ZMAT4: variants seen among roughly 807,000 people sequenced by gnomAD.
The protein encoded by ZMAT4 is zinc finger matrin-type 4, also known as zinc finger matrin-type protein 4.
A neutral mutation model predicts 28.7 loss-of-function variants in ZMAT4; 17 were observed. The observed-to-expected ratio is 0.59, with a 90% CI of 0.41 to 0.89. The LOEUF (loss-of-function observed/expected upper bound fraction) is 0.89, where lower values mean the gene tolerates loss of function less well. Among genes scored for constraint, ZMAT4 ranks in the 40% least tolerant of loss-of-function variants. The pLI, the probability that ZMAT4 is intolerant of heterozygous loss-of-function variation, is 0.00. For synonymous variants in ZMAT4, 117 were observed against 109.2 expected, an observed-to-expected ratio of 1.07 and a Z score of -0.44; for missense variants, 240 against 283.8, an observed-to-expected ratio of 0.85 and a Z score of 1.11.
intron 6 of ZMAT4, among the ~76,000 whole-genome samples, chr8:40,564,898 C>T (rs1181403208): frequency 6.6e-6 from 1 of 152,130 alleles, no homozygotes; most frequent in Non-Finnish European, 1.5e-5. Context: ...GAAAAATTAC[C>T]TGCACGGATA....
chr8:40,551,736 C>T (rs1803375168), intron 6 of ZMAT4, among the ~76,000 whole-genome samples: 1 of 152,172 alleles, frequency 6.6e-6, no homozygotes, highest in African/African-American at 2.4e-5. Context: ...TAGTCTCTCA[C>T]TTAGGTAGAT....
At chr8:40,574,139 C>A (rs1804187471) in intron 6 of ZMAT4, among the ~76,000 whole-genome samples, 1 of 151,826 alleles carries the variant, frequency 6.6e-6, no homozygotes, top group African/African-American at 2.4e-5. Flanking sequence ...CATCTGAAAA[C>A]AAAATAAATT....
chr8:40,858,794 A>G (rs1426315000), intron 1 of ZMAT4, among the ~76,000 whole-genome samples: 1 of 152,122 alleles, frequency 6.6e-6, no homozygotes, highest in Non-Finnish European at 1.5e-5. Context: ...CACCGTGCTC[A>G]TCTTCCTGCC....
At chr8:40,665,901 C>G (rs1808394782) in intron 5 of ZMAT4, among the ~76,000 whole-genome samples, 1 of 152,178 alleles carries the variant, frequency 6.6e-6, no homozygotes, top group Non-Finnish European at 1.5e-5. Flanking sequence ...TTTTCCAGCA[C>G]AGCTCAGCTT....
intron 1 of ZMAT4, among the ~76,000 whole-genome samples, chr8:40,848,319 C>T (rs542001964): frequency 8.8e-4 from 134 of 152,324 alleles, no homozygotes; most frequent in African/African-American, 3.2e-3. Context: ...TGTAGGACTC[C>T]ACCCGTTGTC....
At chr8:40,713,010 G>C (rs1166353851) in intron 3 of ZMAT4, among the ~76,000 whole-genome samples, 2 of 151,656 alleles carry the variant, frequency 1.3e-5, no homozygotes, top group Admixed American at 1.3e-4. Flanking sequence ...AAATAATTAA[G>C]ATAATTTTGA....
At chr8:40,871,567 G>A (rs917114805) in intron 1 of ZMAT4, among the ~76,000 whole-genome samples, 1 of 152,204 alleles carries the variant, frequency 6.6e-6, no homozygotes, top group Admixed American at 6.5e-5. Flanking sequence ...CAGAAGGGAG[G>A]CAAGGGAGTA....
At chr8:40,842,168 T>C (rs1816727502) in intron 1 of ZMAT4, among the ~76,000 whole-genome samples, 1 of 152,180 alleles carries the variant, frequency 6.6e-6, no homozygotes, top group African/African-American at 2.4e-5. Context: ...GGGGCAGCAA[T>C]GGTGGTCCCC....
At chr8:40,758,625 T>A (rs1274050204) in intron 3 of ZMAT4, among the ~76,000 whole-genome samples, 1 of 152,064 alleles carries the variant, frequency 6.6e-6, no homozygotes, top group Non-Finnish European at 1.5e-5. Context: ...CACAAAAAAA[T>A]TACTTATTAT....
At chr8:40,710,613 T>G (rs979929930) in intron 3 of ZMAT4, among the ~76,000 whole-genome samples, 1 of 151,190 alleles carries the variant, frequency 6.6e-6, no homozygotes, top group Non-Finnish European at 1.5e-5. Flanking sequence ...CCCAGCCTTT[T>G]GTGGGGGGAA....
At chr8:40,856,593 G>A (rs140485052) in intron 1 of ZMAT4, among the ~76,000 whole-genome samples, 323 of 152,304 alleles carry the variant, frequency 2.1e-3, no homozygotes, top group African/African-American at 6.4e-3. Flanking sequence ...CAGGCAGGTG[G>A]TAGCATAAAG....
At chr8:40,806,499 C>T (rs556413570) in intron 2 of ZMAT4, among the ~76,000 whole-genome samples, 1 of 152,166 alleles carries the variant, frequency 6.6e-6, no homozygotes, top group African/African-American at 2.4e-5. Context: ...CAGAGCTTTG[C>T]TCTGTATACG....
intron 5 of ZMAT4, among the ~76,000 whole-genome samples, chr8:40,648,108 A>G (rs1399822427): frequency 6.6e-6 from 1 of 152,236 alleles, no homozygotes; most frequent in Non-Finnish European, 1.5e-5. Context: ...AGGCGGCTTC[A>G]GACGATCAAA....
At chr8:40,876,203 A>T (rs1326200594) in intron 1 of ZMAT4, among the ~76,000 whole-genome samples, 1 of 152,220 alleles carries the variant, frequency 6.6e-6, no homozygotes, top group East Asian at 1.9e-4. Flanking sequence ...AGACAGCAAG[A>T]CCAACCCCTC....
chr8:40,891,280 T>TGGGGAAGGGGGAGGGGGGAGGGGGAAGG (rs1818676523), intron 1 of ZMAT4, among the ~76,000 whole-genome samples: 1 of 9,628 alleles, frequency 1.0e-4, no homozygotes. Flanking sequence ...GAAGGGGAAA[T>TGGGGAAGGGGGAGGGGGGAGGGGGAAGG]TGAAGACAGT....
chr8:40,725,452 C>A (rs968860419), intron 3 of ZMAT4, among the ~76,000 whole-genome samples: 2 of 152,122 alleles, frequency 1.3e-5, no homozygotes, highest in Admixed American at 1.3e-4. Context: ...ATAAAAATGT[C>A]TCGAGATGGC....
intron 5 of ZMAT4, among the ~76,000 whole-genome samples, chr8:40,611,897 C>T (rs1355095745): frequency 6.6e-6 from 1 of 152,122 alleles, no homozygotes; most frequent in Non-Finnish European, 1.5e-5. Context: ...TAGTACCAAA[C>T]TGAAAGATTT....
chr8:40,652,221 C>T (rs1807698498), intron 5 of ZMAT4, among the ~76,000 whole-genome samples: 1 of 123,026 alleles, frequency 8.1e-6, no homozygotes. Context: ...TCAATGAACT[C>T]AAACAAATTT....
At chr8:40,675,449 T>C (rs901191088) in intron 4 of ZMAT4, among the ~76,000 whole-genome samples, 22 of 152,228 alleles carry the variant, frequency 1.4e-4, no homozygotes, top group Non-Finnish European at 3.1e-4. Flanking sequence ...GCATCACTAA[T>C]AATGCAATAA....
Sources: gnomAD v4.1 joint callset for allele counts (sites outside exome capture counted in the v4.1 genomes callset) on GRCh38, gnomAD v4.1.1 for gene constraint, MANE v1.5 for transcripts, NCBI Gene and HGNC (gene_info 2026-07-23, HGNC 2026-07-21) for gene names.